LEPR: variants seen among roughly 807,000 people sequenced by gnomAD.
LEPR encodes OB receptor.
LEPR carries 56 observed loss-of-function variants against 114.7 expected under a neutral mutation model. The ratio of observed to expected loss-of-function variants is 0.49; its 90% CI spans 0.39 to 0.61. The LOEUF (loss-of-function observed/expected upper bound fraction) is 0.61. LEPR is among the 20% of genes least tolerant of loss of function. The probability of loss-of-function intolerance (pLI) is 0.00; values close to 1 mark genes in which losing one functional copy is unlikely to be tolerated. For synonymous variants in LEPR, 443 were observed against 461.4 expected (o/e 0.96, Z 0.51); for missense variants, 1,202 against 1,352.9 (o/e 0.89, Z 1.75).
intron 2 of LEPR, among the ~76,000 whole-genome samples, chr1:65,470,673 T>A (rs1647072505): frequency 6.6e-6 from 1 of 152,208 alleles, no homozygotes; most frequent in South Asian, 2.1e-4. Context: ...ACCATTAAGA[T>A]TTATAATGAA....
chr1:65,462,402 A>G (rs944124728), intron 2 of LEPR, among the ~76,000 whole-genome samples: 1 of 152,210 alleles, frequency 6.6e-6, no homozygotes, highest in African/African-American at 2.4e-5. Flanking sequence ...TCTATCATTG[A>G]TAGACATTTG....
chr1:65,564,576 C>T (rs538972835), intron 2 of LEPR, among the ~76,000 whole-genome samples: 10 of 91,850 alleles, frequency 1.1e-4, no homozygotes, highest in East Asian at 8.8e-4. Flanking sequence ...TTGGCTCCTC[C>T]GTGAATCCGT....
At chr1:65,488,232 CTT>C (rs764881496) in intron 2 of LEPR, among the ~76,000 whole-genome samples, 2,739 of 72,562 alleles carry the variant, frequency 0.038, 158 homozygotes, top group Non-Finnish European at 0.059. Flanking sequence ...CTCTCTCTTT[CTT>C]TCTTTCTTTC....
chr1:65,579,601 T>C (rs1030857252), intron 5 of LEPR, among the ~76,000 whole-genome samples: 1 of 152,206 alleles, frequency 6.6e-6, no homozygotes, highest in Non-Finnish European at 1.5e-5. Context: ...CTTTGCATAG[T>C]AGTACCTTCT....
At chr1:65,628,890 A>G (rs1395715868) in intron 19 of LEPR, among the ~76,000 whole-genome samples, 1 of 152,164 alleles carries the variant, frequency 6.6e-6, no homozygotes, top group Non-Finnish European at 1.5e-5. Flanking sequence ...AGACCACTTC[A>G]TGAAAAGGAC....
At chr1:65,557,719 C>A (rs1318676933) in intron 2 of LEPR, among the ~76,000 whole-genome samples, 1 of 152,178 alleles carries the variant, frequency 6.6e-6, no homozygotes, top group African/African-American at 2.4e-5. Context: ...TGCACCCAGC[C>A]TCTTTTTCTG....
At chr1:65,567,657 TG>T (rs540671532) in intron 3 of LEPR, among the ~76,000 whole-genome samples, 5 of 152,342 alleles carry the variant, frequency 3.3e-5, no homozygotes, top group Non-Finnish European at 7.3e-5. Context: ...ACCTATGTAT[TG>T]TTTGAATATT....
intron 2 of LEPR, among the ~76,000 whole-genome samples, chr1:65,517,731 A>G (rs1188567329): frequency 6.6e-6 from 1 of 152,226 alleles, no homozygotes; most frequent in Admixed American, 6.5e-5. Flanking sequence ...ATCCCATCCT[A>G]TGACATTCCT....
intron 2 of LEPR, among the ~76,000 whole-genome samples, chr1:65,512,398 G>T (rs532810427): frequency 6.6e-6 from 1 of 152,278 alleles, no homozygotes; most frequent in South Asian, 2.1e-4. Flanking sequence ...CGTGATGAAG[G>T]TCCTCAGATC....
chr1:65,430,629 T>G (rs987238122), intron 2 of LEPR, among the ~76,000 whole-genome samples: 1 of 152,232 alleles, frequency 6.6e-6, no homozygotes, highest in Non-Finnish European at 1.5e-5. Flanking sequence ...TCCAATTACG[T>G]TCTATTTTAA....
At chr1:65,427,708 G>T in intron 2 of LEPR, 1 of 297,426 alleles carries the variant, frequency 3.4e-6, no homozygotes, top group East Asian at 9.3e-5. Context: ...TCTTTGTAAG[G>T]TAAGAAAATG....
In LEPR at chr1:65,505,470, T is replaced by C. The variant is rs533417740; in HGVS notation, c.-20-60076T>C. On this transcript the variant is annotated intron_variant, in intron 2 of 19. Coordinates refer to ENST00000349533, the MANE Select transcript of LEPR (RefSeq NM_002303.6). ...TTCTGCCGTTTTTTGACCTTGTTTG[T>C]ACTCCAGGAGGCTGACTCTATGGAC... Among the ~76,000 whole-genome samples, 15 of 152,344 alleles carry C rather than the reference T, an allele frequency of 9.8e-5. No individual in the cohort carries two copies. In the South Asian group the frequency reaches 2.7e-3, roughly 27 times the overall value.
intron 4 of LEPR, among the ~76,000 whole-genome samples, chr1:65,571,131 A>G (rs932603232): frequency 2.6e-5 from 4 of 152,222 alleles, no homozygotes; most frequent in Non-Finnish European, 5.9e-5. Flanking sequence ...GTTAAATTTT[A>G]AAATATTCAT....
chr1:65,483,775 A>G (rs1428296942), intron 2 of LEPR, among the ~76,000 whole-genome samples: 2 of 151,994 alleles, frequency 1.3e-5, no homozygotes, highest in Non-Finnish European at 2.9e-5. Context: ...CTGTCTCTTC[A>G]TTCATTCTAG....
intron 5 of LEPR, among the ~76,000 whole-genome samples, chr1:65,583,471 T>G (rs554246170): frequency 2.0e-5 from 3 of 152,220 alleles, no homozygotes; most frequent in African/African-American, 7.2e-5. Flanking sequence ...TTAATGGGTA[T>G]CAGTGACATT....
At chr1:65,540,064 A>G (rs1651079664) in intron 2 of LEPR, among the ~76,000 whole-genome samples, 1 of 152,200 alleles carries the variant, frequency 6.6e-6, no homozygotes, top group East Asian at 1.9e-4. Context: ...TGACAGTTAC[A>G]TGGAGCTAGT....
intron 2 of LEPR, among the ~76,000 whole-genome samples, chr1:65,481,654 A>G (rs1647242376): frequency 6.6e-6 from 1 of 152,106 alleles, no homozygotes; most frequent in South Asian, 2.1e-4. Flanking sequence ...CATAGGTACA[A>G]AAATCCCAGA....
intron 2 of LEPR, among the ~76,000 whole-genome samples, 196 bp from the exon 3 acceptor site, chr1:65,565,350 G>A (rs1023859381): frequency 7.2e-5 from 11 of 152,196 alleles, no homozygotes; most frequent in African/African-American, 2.7e-4. Flanking sequence ...TTTTAATGAT[G>A]TAAGATAGGA....
rs1254426262 is a variant in LEPR, at chr1:65,601,599, C to T, written c.1202C>T (p.Pro401Leu). The T allele has an allele frequency of 5.6e-6, 9 of 1,613,658 alleles. No homozygotes were observed. The highest frequency in any genetic ancestry group is 5.9e-6 in the Non-Finnish European group (7 of 1,179,742). The change falls in exon 9 of 20, where the codon CCT becomes CTT. Residue 401 changes from proline to leucine, a missense_variant. Physicochemically the swap from Pro to Leu is moderately conservative, Grantham distance 98. Transcript: ENST00000349533. ...VTFFNLNETK[P>L]RGKFTYDAVY... ...TTTTTCAATCTGAATGAAACCAAACCTCGAGGAAAGTTTACCTATGATGCA... is the reference window on the plus strand; with the variant it reads ...TTTTTCAATCTGAATGAAACCAAACTTCGAGGAAAGTTTACCTATGATGCA...
Sources: allele counts gnomAD v4.1 joint callset (sites outside exome capture counted in the v4.1 genomes callset), GRCh38; gene constraint gnomAD v4.1.1; transcripts MANE v1.5; gene names NCBI Gene and HGNC (gene_info 2026-07-23, HGNC 2026-07-21).